Variants in PLEKHH1 observed in about 807,000 individuals in gnomAD.
PLEKHH1 encodes pleckstrin homology domain-containing family H member 1.
In PLEKHH1, 104 loss-of-function variants were observed where a neutral mutation model predicts 160.0. The ratio of observed to expected loss-of-function variants is 0.65; its 90% confidence interval spans 0.55 to 0.76. PLEKHH1 has a LOEUF of 0.76. PLEKHH1 is among the 30% of genes least tolerant of loss of function. The pLI, the probability that PLEKHH1 is intolerant of heterozygous loss-of-function variation, is 0.00. For synonymous variants in PLEKHH1, 619 were observed against 678.4 expected, an observed-to-expected ratio of 0.91 and a Z score of 1.36; for missense variants, 1,427 against 1,724.1, an observed-to-expected ratio of 0.83 and a Z score of 3.05.
rs114995314 is a variant in PLEKHH1 at position 67,534,651 on chromosome 14, G to T, written c.-35+1253G>T. ...AGACTGCTGAGGGGGCCTGCTCAGA[G>T]TTGGGCAATTGTGGGGTGCAGCCTG... On this transcript the variant is annotated intron_variant, in intron 1 of 28. Transcript: ENST00000329153. 9.6e-3 allele frequency among the ~76,000 whole-genome samples: 1,457 copies of T among 152,246 alleles called. 30 individuals carry two copies. Among genetic ancestry groups the T allele is most frequent in the African/African-American group, 0.033 (1,381 of 41,538 alleles).
At position 67,574,292 on chromosome 14, in the gene PLEKHH1, G is replaced by A; in HGVS notation, c.1977G>A (p.Leu659=). 1.2e-6 allele frequency: 2 copies of A among 1,608,696 alleles called. No homozygotes were observed. Among genetic ancestry groups the A allele is most frequent in the Non-Finnish European group, 1.7e-6 (2 of 1,177,494 alleles). The change falls in exon 14 of 29, where the codon CTG becomes CTA. Residue 659 remains leucine (L), a synonymous_variant. Transcript: ENST00000329153. The surrounding 1 kb of genome is among the most constrained non-coding windows in gnomAD (Gnocchi z 4.2). The part of the protein sequence containing the change: ...TYYLTADSPS[L]LEEWIRVLQS... ...ACCTGACGGCCGATTCACCCAGCCTGCTGGAGGAGTGGATCCGAGTACTCC... is the reference window on the plus strand; with the variant it reads ...ACCTGACGGCCGATTCACCCAGCCTACTGGAGGAGTGGATCCGAGTACTCC...
intron 1 of PLEKHH1, among the ~76,000 whole-genome samples, chr14:67,535,030 A>G (rs1216589488): frequency 6.6e-6 from 1 of 152,256 alleles, no homozygotes; most frequent in South Asian, 2.1e-4. Context: ...TAAAGCTGTT[A>G]TAAAGCGTGC....
intron 22 of PLEKHH1, 115 bp downstream of exon 22, chr14:67,579,991 C>T: frequency 1.0e-6 from 1 of 986,696 alleles, no homozygotes; most frequent in South Asian, 1.6e-5. Flanking sequence ...GGTGCTGAGC[C>T]CAAGGTGCTG....
At chr14:67,565,147 G>C (rs1435533418) in intron 7 of PLEKHH1, among the ~76,000 whole-genome samples, 1 of 152,186 alleles carries the variant, frequency 6.6e-6, no homozygotes, top group African/African-American at 2.4e-5. Flanking sequence ...GGAGTAAGGT[G>C]TGGTTTCTCC....
chr14:67,567,634 C>T (rs1429379043), intron 7 of PLEKHH1, among the ~76,000 whole-genome samples: 1 of 152,142 alleles, frequency 6.6e-6, no homozygotes, highest in Non-Finnish European at 1.5e-5. Flanking sequence ...CCAGTGATCT[C>T]AGCGTCTCAT....
In PLEKHH1 at chr14:67,588,213, CCT is replaced by C. The variant is rs2036254359; in HGVS notation, c.*979_*980del. ...GGAGGTAGGTCCAATCTGACCCCTC[CCT>C]GTCTCATTTTAATGACTGGACAGCG... is the stretch of plus-strand genomic sequence containing the variant. On this transcript the variant is annotated 3_prime_UTR_variant, in exon 29 of 29. Coordinates refer to ENST00000329153, the MANE Select transcript of PLEKHH1 (RefSeq NM_020715.3). The C allele has an allele frequency of 3.3e-5, 5 of 152,734 alleles. No individual in the cohort carries two copies. The East Asian group carries it at 9.7e-4, about 29-fold the overall frequency. 9.5% of individuals were successfully genotyped at this position (152,734 alleles called of 1,614,324 possible). A position where few individuals can be genotyped will look rare whatever the true frequency, so the allele number is the denominator to read the frequency against.
chr14:67,568,794 C>T (rs936550555), intron 7 of PLEKHH1, among the ~76,000 whole-genome samples: 6 of 152,102 alleles, frequency 3.9e-5, no homozygotes, highest in African/African-American at 1.4e-4. Context: ...TTCAGAGCAA[C>T]AGTTTACTGA....
In PLEKHH1 at chr14:67,576,743, T is replaced by C. The variant is rs932405380; in HGVS notation, c.2461+240T>C. On this transcript the variant is annotated intron_variant, in intron 17 of 28. Coordinates refer to ENST00000329153, the MANE Select transcript of PLEKHH1 (RefSeq NM_020715.3). The surrounding 1 kb of genome is among the most constrained non-coding windows in gnomAD (Gnocchi z 4.0). ...CAGGCTTTCCAGGGACCTGGGTAAA[T>C]GTTTTACTTGGATCAAGCTGCCCCG... Among the ~76,000 whole-genome samples, 1 of 152,070 alleles carries C rather than the reference T, an allele frequency of 6.6e-6. No individual in the cohort carries two copies. Among genetic ancestry groups the C allele is most frequent in the Non-Finnish European group, 1.5e-5 (1 of 68,004 alleles).
intron 10 of PLEKHH1, 88 bp from the exon 11 acceptor site, chr14:67,572,047 G>C (rs913237180): frequency 1.4e-5 from 21 of 1,501,446 alleles, no homozygotes; most frequent in Middle Eastern, 1.7e-4. Context: ...ACCGGGTCCC[G>C]GGTGGGTGGT....
At chr14:67,542,433 G>A (rs1270604489) in intron 2 of PLEKHH1, among the ~76,000 whole-genome samples, 1 of 152,212 alleles carries the variant, frequency 6.6e-6, no homozygotes, top group Non-Finnish European at 1.5e-5. Context: ...TTTGGAGCCA[G>A]ACCTAACTTG....
At chr14:67,571,597 G>A in intron 9 of PLEKHH1, 155 bp from the exon 10 acceptor site, 2 of 662,448 alleles carry the variant, frequency 3.0e-6, no homozygotes, top group Non-Finnish European at 5.3e-6. Context: ...CAGGAGTGAG[G>A]CCAGGAGGGA....
At chr14:67,551,276 A>C (rs1194749908) in intron 2 of PLEKHH1, among the ~76,000 whole-genome samples, 1 of 152,192 alleles carries the variant, frequency 6.6e-6, no homozygotes, top group East Asian at 1.9e-4. Context: ...CTGAGACAAC[A>C]GGTGAGCATC....
intron 9 of PLEKHH1, chr14:67,571,190 T>C (rs980997690): frequency 1.0e-4 from 16 of 155,406 alleles, no homozygotes; most frequent in African/African-American, 3.6e-4. Flanking sequence ...AACTTATATC[T>C]ACATGTGTCT....
chr14:67,563,634 T>G (rs1217661503), intron 7 of PLEKHH1, among the ~76,000 whole-genome samples: 1 of 151,600 alleles, frequency 6.6e-6, no homozygotes, highest in East Asian at 1.9e-4. Context: ...GGTTTCACCA[T>G]GTTGGTCAGG....
intron 1 of PLEKHH1, among the ~76,000 whole-genome samples, chr14:67,539,127 T>C (rs1472547319): frequency 2.0e-5 from 3 of 152,236 alleles, no homozygotes. Flanking sequence ...GTCTCAGATC[T>C]GCCACTTTTC....
chr14:67,572,292 G>T lies in PLEKHH1; in HGVS notation c.1728+15G>T. On this transcript the variant is annotated intron_variant, in intron 11 of 28. Transcript: ENST00000329153. ...GCCTGGGCGGGGTGAGCCGGGAAAC[G>T]GGCGGGGGCAGGGTGGAAGCAGAAT... 6.3e-7 allele frequency: 1 copy of T among 1,578,674 alleles called. No individual in the cohort carries two copies. The highest frequency in any genetic ancestry group is 1.2e-5 in the South Asian group (1 of 86,894).
At chr14:67,543,697 G>A (rs2034062693) in intron 2 of PLEKHH1, among the ~76,000 whole-genome samples, 1 of 152,018 alleles carries the variant, frequency 6.6e-6, no homozygotes, top group African/African-American at 2.4e-5. Flanking sequence ...GAAAGGATAA[G>A]TAGGGATTGA....
Position 67,571,853 on chromosome 14 carries a change from T to C in PLEKHH1, c.1536T>C (p.Ser512=), listed in dbSNP as rs757827837. The stretch of plus-strand genomic sequence containing the variant: ...GTTTCCGAATCTCGGTCCCCTCCTC[T>C]GAGTCCAGGAAGACCAGCGGACTAG... ...QASFRISVPS[S]ESRKTSGLGS... is the part of the protein sequence containing the mutation. The change falls in exon 10 of 29, where the codon TCT becomes TCC. Residue 512 remains serine, a synonymous_variant. Transcript: ENST00000329153. 10 of 1,613,678 alleles carry C rather than the reference T, an allele frequency of 6.2e-6. No individual in the cohort carries two copies. The highest frequency in any genetic ancestry group is 8.5e-6 in the Non-Finnish European group (10 of 1,179,746).
rs769448688 is a variant in PLEKHH1 at position 67,580,987 on chromosome 14, C to T, written c.3233C>T (p.Pro1078Leu). The T allele has an allele frequency of 6.2e-7, 1 of 1,613,676 alleles. No homozygotes were observed. Among genetic ancestry groups the T allele is most frequent in the Non-Finnish European group, 8.5e-7 (1 of 1,179,620 alleles). ...KWEQAMKELHPGKSEGGTRVV... is the reference protein window; with the variant it reads ...KWEQAMKELHLGKSEGGTRVV... Reference sequence around the variant, plus strand: ...GAACAAGCCATGAAGGAGCTGCACCCCGGAAAGTCTGAGGGTGGGACACGC... The same window carrying T: ...GAACAAGCCATGAAGGAGCTGCACCTCGGAAAGTCTGAGGGTGGGACACGC... Residue 1078 changes from proline to leucine, a missense_variant, in exon 23 of 29, where the codon CCC (proline) becomes CTC (leucine). This residue lies in a region of PLEKHH1 where 436 missense variants were observed against 607.5 expected (regional missense o/e 0.72). Coordinates refer to ENST00000329153, the MANE Select transcript of PLEKHH1 (RefSeq NM_020715.3).
Sources: gnomAD v4.1 joint callset for allele counts (sites outside exome capture counted in the v4.1 genomes callset) on GRCh38, gnomAD v4.1.1 for gene constraint, gnomAD v4.1.1 regional missense constraint, Gnocchi (gnomAD v3.1) non-coding constraint, MANE v1.5 for transcripts, NCBI Gene and HGNC (gene_info 2026-07-23, HGNC 2026-07-21) for gene names.